The following NXPE2 variants were observed in gnomAD, a reference collection of about 807,000 sequenced individuals.
NXPE2 encodes the protein neurexophilin and PC-esterase domain family member 2, also known as NXPE family member 2.
Under a neutral mutation model 34.4 loss-of-function variants are expected in NXPE2, and 34 were observed. That is an observed-to-expected ratio of 0.99 (90% CI 0.75 to 1.31). NXPE2 has a LOEUF of 1.31. Among genes scored for constraint, NXPE2 ranks in the 40% most tolerant of loss-of-function variants. NXPE2 has a pLI of 0.00. For missense variants in NXPE2, 649 were observed against 672.5 expected, an observed-to-expected ratio of 0.97 and a Z score of 0.39; for synonymous variants, 235 against 231.3, an observed-to-expected ratio of 1.02 and a Z score of -0.15.
At chr11:114,802,303 A>C in the NXPE2 span, among the ~76,000 whole-genome samples, 1 of 152,180 alleles carries the variant, frequency 6.6e-6, no homozygotes, top group Non-Finnish European at 1.5e-5. Context: ...AACTCAGTCT[A>C]ATTCCATCTG....
At position 114,698,677 on chromosome 11, in the gene NXPE2, T is replaced by C. The variant is rs766907583; in HGVS notation, c.765T>C (p.Cys255=). ...MDDRDQEAFY[C]VRPQHMPCEA... ...ACAGAGACCAAGAAGCCTTCTACTG[T>C]GTGAGGCCTCAACATATGCCCTGTG... is the stretch of plus-strand genomic sequence containing the variant. The change falls in exon 3 of 6, where the codon TGT becomes TGC. Residue 255 remains cysteine, a synonymous_variant. Transcript: ENST00000389586. 1.9e-6 allele frequency: 3 copies of C among 1,614,172 alleles called. No individual in the cohort carries two copies. Among genetic ancestry groups the C allele is most frequent in the East Asian group, 4.5e-5 (2 of 44,884 alleles).
chr11:114,476,242 TTAAAGTCACATTTAGG>T, the NXPE2 span, among the ~76,000 whole-genome samples: 1 of 152,202 alleles, frequency 6.6e-6, no homozygotes. Flanking sequence ...AAGACTTTAC[TTAAAGTCACATTTAGG>T]TAAAACCTGA....
At chr11:114,602,647 ATTT>A in the NXPE2 span, among the ~76,000 whole-genome samples, 3 of 141,700 alleles carry the variant, frequency 2.1e-5, no homozygotes, top group African/African-American at 7.6e-5. Flanking sequence ...ATATATAATA[ATTT>A]TCTCATATAT....
At chr11:114,565,745 A>T in the NXPE2 span, among the ~76,000 whole-genome samples, 2 of 152,154 alleles carry the variant, frequency 1.3e-5, no homozygotes, top group Non-Finnish European at 2.9e-5. Flanking sequence ...TTATCCAGGG[A>T]TGTAAAATGA....
At chr11:114,583,218 T>C in the NXPE2 span, 1 of 719,792 alleles carries the variant, frequency 1.4e-6, no homozygotes. Flanking sequence ...GGAGATTGAC[T>C]GACAGGAGAG....
At chr11:114,569,639 G>T in the NXPE2 span, among the ~76,000 whole-genome samples, 2 of 152,082 alleles carry the variant, frequency 1.3e-5, no homozygotes, top group South Asian at 4.1e-4. Context: ...TTTTGTTGTT[G>T]TTTTTTGAGG....
the NXPE2 span, among the ~76,000 whole-genome samples, chr11:114,637,706 T>TTC: frequency 2.0e-5 from 3 of 151,218 alleles, no homozygotes; most frequent in African/African-American, 7.3e-5. Flanking sequence ...AGTATTGTAT[T>TTC]TCTCCTTCAC....
At chr11:114,743,156 T>A in the NXPE2 span, among the ~76,000 whole-genome samples, 11 of 152,224 alleles carry the variant, frequency 7.2e-5, no homozygotes, top group Non-Finnish European at 1.5e-5. Context: ...CTGTTTTTTT[T>A]AAATCTTGGC....
chr11:114,636,201 T>G, the NXPE2 span, among the ~76,000 whole-genome samples: 1 of 152,050 alleles, frequency 6.6e-6, no homozygotes, highest in Non-Finnish European at 1.5e-5. Context: ...GGAGGGTGTA[T>G]GTGTCGAGGA....
intron 2 of NXPE2, among the ~76,000 whole-genome samples, chr11:114,696,226 G>A (rs540613619): frequency 6.6e-6 from 1 of 151,190 alleles, no homozygotes; most frequent in South Asian, 2.1e-4. Flanking sequence ...CTAGGTAGCT[G>A]AGGTGGGAGG....
At chr11:114,679,383 C>T (rs905493580) in intron 1 of NXPE2, among the ~76,000 whole-genome samples, 1 of 151,892 alleles carries the variant, frequency 6.6e-6, no homozygotes, top group Non-Finnish European at 1.5e-5. Flanking sequence ...CATGCTGAGA[C>T]CTCGACAAGA....
chr11:114,538,337 C>T, the NXPE2 span, among the ~76,000 whole-genome samples: 24 of 152,260 alleles, frequency 1.6e-4, no homozygotes, highest in South Asian at 5.0e-3. Flanking sequence ...TAGAAGAAAA[C>T]CTAGGCAGTA....
the NXPE2 span, among the ~76,000 whole-genome samples, chr11:114,785,556 T>A: frequency 1.4e-4 from 22 of 152,178 alleles, no homozygotes; most frequent in Non-Finnish European, 3.1e-4. Flanking sequence ...ATGGTGTGTG[T>A]CTTTAGCAAC....
chr11:114,750,905 A>T, the NXPE2 span, among the ~76,000 whole-genome samples: 2 of 152,174 alleles, frequency 1.3e-5, no homozygotes, highest in Non-Finnish European at 2.9e-5. Flanking sequence ...TTTTGATAGC[A>T]AATGATTCAA....
chr11:114,674,051 G>A (rs995102869), upstream of NXPE2, among the ~76,000 whole-genome samples: 1 of 151,546 alleles, frequency 6.6e-6, no homozygotes, highest in Non-Finnish European at 1.5e-5. Context: ...AATTTCAAAA[G>A]GAGAGAAGGG....
the NXPE2 span, among the ~76,000 whole-genome samples, chr11:114,714,528 A>G: frequency 6.6e-6 from 1 of 152,192 alleles, no homozygotes; most frequent in African/African-American, 2.4e-5. Flanking sequence ...AGTGCAAAAT[A>G]ATTGAGGGAT....
At chr11:114,475,604 C>T in the NXPE2 span, among the ~76,000 whole-genome samples, 5 of 152,098 alleles carry the variant, frequency 3.3e-5, no homozygotes, top group Admixed American at 1.3e-4. Context: ...ACAACCACTT[C>T]GCTCATTTAT....
the NXPE2 span, among the ~76,000 whole-genome samples, chr11:114,625,478 AAT>A: frequency 1.3e-5 from 2 of 152,088 alleles, no homozygotes; most frequent in Non-Finnish European, 2.9e-5. Context: ...CCCGGTGGAT[AAT>A]ATGTATGGCC....
chr11:114,553,496 G>A, the NXPE2 span, among the ~76,000 whole-genome samples: 28 of 152,128 alleles, frequency 1.8e-4, no homozygotes, highest in African/African-American at 6.8e-4. Flanking sequence ...TTTGTCAGAC[G>A]GAATTTTACT....
Sources: gnomAD v4.1 joint callset for allele counts (sites outside exome capture counted in the v4.1 genomes callset) on GRCh38, gnomAD v4.1.1 for gene constraint, MANE v1.5 for transcripts, NCBI Gene and HGNC (gene_info 2026-07-23, HGNC 2026-07-21) for gene names.